OLA1: variants seen among roughly 807,000 people sequenced by gnomAD.
OLA1 encodes the protein obg-like ATPase 1.
A neutral mutation model predicts 48.4 loss-of-function variants in OLA1; 14 were observed. The ratio of observed to expected loss-of-function variants is 0.29; its 90% CI spans 0.19 to 0.45. The LOEUF (loss-of-function observed/expected upper bound fraction) is 0.45. Among genes scored for constraint, OLA1 ranks in the 20% least tolerant of loss-of-function variants. The pLI is 1.00. For missense variants in OLA1, 325 were observed against 467.1 expected (o/e 0.70, Z 2.80); for synonymous variants, 127 against 150.4 (o/e 0.84, Z 1.14).
chr2:174,163,403 A>G (rs775514768), intron 4 of OLA1, among the ~76,000 whole-genome samples: 9 of 151,980 alleles, frequency 5.9e-5, no homozygotes, highest in Non-Finnish European at 1.3e-4. Flanking sequence ...TTAAAAATAA[A>G]TATGCCGGGT....
chr2:174,225,077 CG>C (rs1031382400), intron 3 of OLA1, among the ~76,000 whole-genome samples: 17 of 152,084 alleles, frequency 1.1e-4, no homozygotes, highest in Non-Finnish European at 2.1e-4. Flanking sequence ...GTTTGGGTCA[CG>C]GGGTGGATCC....
chr2:174,134,052 C>T (rs1359459376), intron 5 of OLA1, among the ~76,000 whole-genome samples: 1 of 152,174 alleles, frequency 6.6e-6, no homozygotes, highest in Non-Finnish European at 1.5e-5. Context: ...TTGTGCCTGG[C>T]TTCTTTCACA....
intron 3 of OLA1, among the ~76,000 whole-genome samples, chr2:174,228,144 T>C (rs1688654014): frequency 6.6e-6 from 1 of 152,160 alleles, no homozygotes; most frequent in Non-Finnish European, 1.5e-5. Context: ...AGTGTCAATA[T>C]CAAGGAGGCA....
chr2:174,157,926 AATG>A (rs1207406186), intron 4 of OLA1, among the ~76,000 whole-genome samples: 2 of 152,214 alleles, frequency 1.3e-5, no homozygotes, highest in African/African-American at 4.8e-5. Context: ...ACAGTTCTAA[AATG>A]AGAGTAGAAA....
intron 4 of OLA1, among the ~76,000 whole-genome samples, chr2:174,166,587 G>T (rs1687170443): frequency 6.6e-6 from 1 of 152,176 alleles, no homozygotes; most frequent in African/African-American, 2.4e-5. Context: ...TTTCCTAGAA[G>T]AAAGTCATTT....
In OLA1 at chr2:174,074,354, G is replaced by C. The variant is rs1304825002; in HGVS notation, c.*1072C>G. On this transcript the variant is annotated 3_prime_UTR_variant, in exon 11 of 11. Coordinates refer to ENST00000284719, the MANE Select transcript of OLA1 (RefSeq NM_013341.5). ...CTTTCAGGCCATCATCACAAGAGAAGGCTAAGTGGCAAAGGGTCTCCAAAT... is the reference window on the plus strand; with the variant it reads ...CTTTCAGGCCATCATCACAAGAGAACGCTAAGTGGCAAAGGGTCTCCAAAT... The C allele has an allele frequency of 1.3e-5, 2 of 152,182 alleles. No homozygotes were observed. 9.4% of individuals were successfully genotyped at this position (152,182 alleles called of 1,614,324 possible).
chr2:174,099,042 C>T (rs1450864864), intron 7 of OLA1, among the ~76,000 whole-genome samples: 2 of 152,068 alleles, frequency 1.3e-5, no homozygotes, highest in African/African-American at 2.4e-5. Context: ...TGAGTGATCA[C>T]CCTGCAGTTT....
At chr2:174,209,910 T>TTA (rs1315836068) in intron 4 of OLA1, among the ~76,000 whole-genome samples, 1 of 152,194 alleles carries the variant, frequency 6.6e-6, no homozygotes, top group Non-Finnish European at 1.5e-5. Context: ...TCAGAATTGT[T>TTA]TATAACAATA....
chr2:174,168,465 A>G (rs1264311396), intron 4 of OLA1, among the ~76,000 whole-genome samples: 1 of 152,230 alleles, frequency 6.6e-6, no homozygotes, highest in African/African-American at 2.4e-5. Flanking sequence ...TAACATTCAT[A>G]ATGTCCAGGA....
chr2:174,209,991 C>A, intron 4 of OLA1, among the ~76,000 whole-genome samples: 1 of 151,526 alleles, frequency 6.6e-6, no homozygotes, highest in African/African-American at 2.4e-5. Flanking sequence ...AATAAAGTAT[C>A]AATATTGACA....
chr2:174,128,296 A>G (rs1056563502), intron 5 of OLA1, among the ~76,000 whole-genome samples: 2 of 151,852 alleles, frequency 1.3e-5, no homozygotes, highest in African/African-American at 4.8e-5. Flanking sequence ...GCTACTCAAG[A>G]GGCTGAGGTT....
intron 7 of OLA1, among the ~76,000 whole-genome samples, chr2:174,103,105 T>G (rs529404015): frequency 1.3e-5 from 2 of 152,026 alleles, no homozygotes; most frequent in African/African-American, 4.8e-5. Context: ...GAACATCCAC[T>G]GAGGGAGGAA....
intron 3 of OLA1, among the ~76,000 whole-genome samples, chr2:174,223,752 CAT>C (rs1356623729): frequency 8.9e-6 from 1 of 111,964 alleles, no homozygotes; most frequent in Non-Finnish European, 1.7e-5. Flanking sequence ...TGATCACCCA[CAT>C]GTTATATAGA....
At chr2:174,094,625 TAC>T (rs1461633064) in intron 7 of OLA1, among the ~76,000 whole-genome samples, 1 of 152,202 alleles carries the variant, frequency 6.6e-6, no homozygotes, top group African/African-American at 2.4e-5. Flanking sequence ...AATAAATCCA[TAC>T]ACTTATGGTC....
At chr2:174,223,682 G>A (rs907001536) in intron 3 of OLA1, among the ~76,000 whole-genome samples, 2 of 141,454 alleles carry the variant, frequency 1.4e-5, no homozygotes, top group Non-Finnish European at 3.0e-5. Flanking sequence ...TTGTATTCAA[G>A]ATCACTCAGC....
intron 4 of OLA1, among the ~76,000 whole-genome samples, chr2:174,188,499 T>C (rs1468227531): frequency 6.6e-6 from 1 of 152,182 alleles, no homozygotes; most frequent in Non-Finnish European, 1.5e-5. Flanking sequence ...ACACGGGTAT[T>C]CTGGTGATGC....
intron 2 of OLA1, among the ~76,000 whole-genome samples, chr2:174,234,953 G>A (rs1274755206): frequency 6.6e-6 from 1 of 152,186 alleles, no homozygotes; most frequent in Non-Finnish European, 1.5e-5. Context: ...GAGGTCAGGA[G>A]TTTAAGACCA....
Position 174,072,916 on chromosome 2 carries a change from A to C in OLA1, c.*2510T>G, listed in dbSNP as rs1684635567. 1 of 152,226 alleles carries C rather than the reference A, an allele frequency of 6.6e-6. No homozygotes were observed. Among genetic ancestry groups the C allele is most frequent in the African/African-American group, 2.4e-5 (1 of 41,454 alleles). 9.4% of individuals were successfully genotyped at this position (152,226 alleles called of 1,614,324 possible). A position where few individuals can be genotyped will look rare whatever the true frequency, so the allele number is the denominator to read the frequency against. On this transcript the variant is annotated 3_prime_UTR_variant, in exon 11 of 11. Coordinates refer to ENST00000284719, the MANE Select transcript of OLA1 (RefSeq NM_013341.5). ...TATGCAAAATGCATGTTATGAAGAT[A>C]ACATGATAAAACACAACTAAATGCT...
rs141371032 is a variant in OLA1, at chr2:174,127,980, T to TA, written c.550-4306dup. On this transcript the variant is annotated intron_variant, in intron 5 of 10. Coordinates refer to ENST00000284719, the MANE Select transcript of OLA1 (RefSeq NM_013341.5). ...TCTAAAAGAACTACTTGCTCGAGGG[T>TA]AAAAAAATGTTTAGGGAGAAAAATA... 8.0e-3 allele frequency among the ~76,000 whole-genome samples: 1,212 copies of TA among 151,724 alleles called. 18 individuals are homozygous for TA. The highest frequency in any genetic ancestry group is 0.027 in the African/African-American group (1,136 of 41,376).
Sources: allele counts gnomAD v4.1 joint callset (sites outside exome capture counted in the v4.1 genomes callset), GRCh38; gene constraint gnomAD v4.1.1; transcripts MANE v1.5; gene names NCBI Gene and HGNC (gene_info 2026-07-23, HGNC 2026-07-21).